Variants in PTPRT observed in about 807,000 individuals in gnomAD.
PTPRT encodes the protein protein tyrosine phosphatase receptor type T.
PTPRT carries 56 observed loss-of-function variants against 176.8 expected under a neutral mutation model. The ratio of observed to expected loss-of-function variants is 0.32; its 90% CI spans 0.26 to 0.40. The LOEUF (loss-of-function observed/expected upper bound fraction) is 0.40, where lower values mean the gene tolerates loss of function less well. PTPRT is among the 10% of genes least tolerant of loss of function. The probability of loss-of-function intolerance (pLI) is 1.00; values close to 1 mark genes in which losing one functional copy is unlikely to be tolerated. For synonymous variants in PTPRT, 783 were observed against 739.0 expected, an observed-to-expected ratio of 1.06 and a Z score of -0.96; for missense variants, 1,540 against 1,908.2, an observed-to-expected ratio of 0.81 and a Z score of 3.60.
rs73907426 is a variant in PTPRT, at chr20:42,946,219, A to G, written c.89-60287T>C. Among the ~76,000 whole-genome samples, 715 of 152,282 alleles carry G rather than the reference A, an allele frequency of 4.7e-3. 4 individuals are homozygous for G. The highest frequency in any genetic ancestry group is 0.016 in the African/African-American group (680 of 41,554). ...CACCTGGAAATTTTCTCCTTCTGCA[A>G]CAGGTGGGCAATCCCTGGGGGGAAC... On this transcript the variant is annotated intron_variant, in intron 1 of 30. Transcript: ENST00000373187.
downstream of PTPRT, among the ~76,000 whole-genome samples, chr20:42,069,542 T>C (rs143817298): frequency 1.3e-5 from 2 of 152,288 alleles, no homozygotes; most frequent in African/African-American, 4.8e-5. Flanking sequence ...CCTATGTTCT[T>C]CTCACCTCTT....
At chr20:42,930,571 C>G (rs1352922554) in intron 1 of PTPRT, among the ~76,000 whole-genome samples, 4 of 152,110 alleles carry the variant, frequency 2.6e-5, no homozygotes, top group Non-Finnish European at 4.4e-5. Flanking sequence ...TAACCTTAAA[C>G]TCCTCAGCTC....
At chr20:42,114,777 C>G (rs1987186164) in intron 22 of PTPRT, among the ~76,000 whole-genome samples, 3 of 152,152 alleles carry the variant, frequency 2.0e-5, no homozygotes, top group Admixed American at 2.0e-4. Context: ...AGGTTGAGAT[C>G]ACTTTTTCCC....
chr20:42,069,229 G>T (rs546658193), downstream of PTPRT, among the ~76,000 whole-genome samples: 14 of 152,318 alleles, frequency 9.2e-5, no homozygotes, highest in African/African-American at 2.9e-4. Flanking sequence ...TTGTTCTATG[G>T]CATGAGGCCA....
At chr20:42,536,083 C>T (rs368293251) in intron 7 of PTPRT, among the ~76,000 whole-genome samples, 16 of 152,154 alleles carry the variant, frequency 1.1e-4, no homozygotes, top group East Asian at 7.8e-4. Flanking sequence ...AAAGCAGAAA[C>T]GAATGCTGCA....
At chr20:42,236,161 G>A in intron 15 of PTPRT, 68 bp downstream of exon 15, 4 of 1,357,866 alleles carry the variant, frequency 2.9e-6, no homozygotes, top group Non-Finnish European at 4.1e-6. Context: ...CTTGGTTGGT[G>A]CAGGAAATGC....
intron 2 of PTPRT, among the ~76,000 whole-genome samples, chr20:42,865,197 C>A (rs1364067179): frequency 2.6e-5 from 4 of 152,150 alleles, no homozygotes; most frequent in African/African-American, 9.7e-5. Context: ...AGTTAGAAAA[C>A]TGGGAGTATT....
chr20:42,608,424 T>C (rs891447454), intron 7 of PTPRT, among the ~76,000 whole-genome samples: 2 of 152,134 alleles, frequency 1.3e-5, no homozygotes, highest in Non-Finnish European at 2.9e-5. Flanking sequence ...AATCCCTCCA[T>C]TGTCCTTGGA....
chr20:42,964,708 AT>A (rs1164132124), intron 1 of PTPRT, among the ~76,000 whole-genome samples: 1 of 152,104 alleles, frequency 6.6e-6, no homozygotes, highest in South Asian at 2.1e-4. Flanking sequence ...TGCTTTGAGT[AT>A]TTTTTCGGTG....
intron 7 of PTPRT, among the ~76,000 whole-genome samples, chr20:42,591,653 A>G (rs1483464351): frequency 1.3e-5 from 2 of 152,176 alleles, no homozygotes; most frequent in Non-Finnish European, 2.9e-5. Flanking sequence ...TGACGCAGTG[A>G]TCAAGACTGC....
At chr20:42,447,722 G>A (rs2070757340) in intron 9 of PTPRT, among the ~76,000 whole-genome samples, 1 of 152,126 alleles carries the variant, frequency 6.6e-6, no homozygotes, top group Non-Finnish European at 1.5e-5. Flanking sequence ...TGGAATGGGG[G>A]CTTTGGATGC....
intron 13 of PTPRT, among the ~76,000 whole-genome samples, chr20:42,267,006 TGCA>T (rs1163113753): frequency 8.5e-5 from 13 of 152,250 alleles, no homozygotes; most frequent in African/African-American, 2.9e-4. Context: ...TTAATTTTGC[TGCA>T]TATAATAATA....
intron 1 of PTPRT, among the ~76,000 whole-genome samples, chr20:42,966,830 A>C (rs569175529): frequency 1.3e-5 from 2 of 152,264 alleles, no homozygotes; most frequent in African/African-American, 4.8e-5. Context: ...TTTCTTCAGA[A>C]AATACATTTT....
At chr20:42,883,598 A>T (rs1327030597) in intron 2 of PTPRT, among the ~76,000 whole-genome samples, 1 of 139,460 alleles carries the variant, frequency 7.2e-6, no homozygotes, top group Non-Finnish European at 1.6e-5. Context: ...AGATGAGCAG[A>T]AAGAGCATAT....
intron 1 of PTPRT, among the ~76,000 whole-genome samples, chr20:42,985,777 T>C (rs576380595): frequency 2.2e-4 from 33 of 152,134 alleles, no homozygotes; most frequent in South Asian, 1.7e-3. Context: ...TGAGAAGATG[T>C]TCAAAGTCTA....
chr20:42,270,501 G>C (rs2056916128), intron 13 of PTPRT: 2 of 1,527,156 alleles, frequency 1.3e-6, no homozygotes, highest in Non-Finnish European at 1.8e-6. Context: ...AAGAGAAGGA[G>C]AGAAAGAAAC....
rs1049562224 is a variant in PTPRT at position 42,346,987 on chromosome 20, G to A, written c.1865+3641C>T. Among the ~76,000 whole-genome samples, 8 of 152,218 alleles carry A rather than the reference G, an allele frequency of 5.3e-5. No homozygotes were observed. The East Asian group carries it at 1.2e-3, about 22-fold the overall frequency. On this transcript the variant is annotated intron_variant, in intron 11 of 30. Transcript: ENST00000373187. ...TAGCACCCCCACAAAAGGGCCACCC[G>A]GTCATCACGTGACATACCAGGCAGA... is the stretch of plus-strand genomic sequence containing the variant.
At chr20:42,514,960 G>A (rs945272846) in intron 7 of PTPRT, among the ~76,000 whole-genome samples, 1 of 152,084 alleles carries the variant, frequency 6.6e-6, no homozygotes, top group African/African-American at 2.4e-5. Flanking sequence ...ATTACCGGGA[G>A]GGCAGCAATC....
At chr20:42,619,693 A>G (rs2074150759) in intron 7 of PTPRT, among the ~76,000 whole-genome samples, 1 of 135,850 alleles carries the variant, frequency 7.4e-6, no homozygotes, top group Admixed American at 7.0e-5. Flanking sequence ...CATTCATTTC[A>G]TCTTTCATTG....
Sources: gnomAD v4.1 joint callset for allele counts (sites outside exome capture counted in the v4.1 genomes callset) on GRCh38, gnomAD v4.1.1 for gene constraint, MANE v1.5 for transcripts, NCBI Gene and HGNC (gene_info 2026-07-23, HGNC 2026-07-21) for gene names.